Variants in CREB5 observed in about 807,000 individuals in gnomAD.
The protein encoded by CREB5 is cAMP responsive element binding protein 5, also known as cyclic AMP-responsive element-binding protein 5.
In CREB5, 19 loss-of-function variants were observed where a neutral mutation model predicts 57.1. The observed-to-expected ratio is 0.33, with a 90% CI of 0.23 to 0.49. CREB5 has a LOEUF of 0.49. Among genes scored for constraint, CREB5 ranks in the 20% least tolerant of loss-of-function variants. The probability of loss-of-function intolerance (pLI) is 0.99; values close to 1 mark genes in which losing one functional copy is unlikely to be tolerated. For synonymous variants in CREB5, 238 were observed against 238.3 expected (o/e 1.00, Z 0.01); for missense variants, 579 against 671.6 (o/e 0.86, Z 1.52).
chr7:28,478,849 T>C (rs987452721), intron 1 of CREB5, among the ~76,000 whole-genome samples: 2 of 152,196 alleles, frequency 1.3e-5, no homozygotes, highest in Admixed American at 1.3e-4. Flanking sequence ...ATCTCTCTCC[T>C]CTATGGACTG....
chr7:28,560,825 C>CGTGCGTGCGCGCGTGCGT (rs1562797019), intron 4 of CREB5, among the ~76,000 whole-genome samples: 1 of 37,564 alleles, frequency 2.7e-5, no homozygotes, highest in Non-Finnish European at 6.5e-5. Flanking sequence ...TGTGTGTGCG[C>CGTGCGTGCGCGCGTGCGT]GCGCGCGCGT....
intron 8 of CREB5, among the ~76,000 whole-genome samples, chr7:28,806,594 G>A (rs1328376154): frequency 6.6e-6 from 1 of 152,120 alleles, no homozygotes; most frequent in Non-Finnish European, 1.5e-5. Flanking sequence ...TAATTACCAG[G>A]TATACAAATT....
intron 5 of CREB5, among the ~76,000 whole-genome samples, chr7:28,664,855 G>A (rs1191011285): frequency 1.3e-5 from 2 of 152,184 alleles, no homozygotes; most frequent in African/African-American, 4.8e-5. Context: ...TTTAGACGTA[G>A]TGTATTCTCC....
At chr7:28,695,112 AG>A (rs1200839026) in intron 5 of CREB5, among the ~76,000 whole-genome samples, 3 of 152,178 alleles carry the variant, frequency 2.0e-5, no homozygotes, top group African/African-American at 7.2e-5. Flanking sequence ...CTGTGGTCCC[AG>A]CCACTTGGGA....
chr7:28,452,652 C>T (rs1200921902), intron 1 of CREB5, among the ~76,000 whole-genome samples: 1 of 152,104 alleles, frequency 6.6e-6, no homozygotes, highest in Non-Finnish European at 1.5e-5. Flanking sequence ...AATGGTGTTC[C>T]TAGAGCCCCA....
chr7:28,687,133 T>C (rs941479861), intron 5 of CREB5, among the ~76,000 whole-genome samples: 3 of 152,182 alleles, frequency 2.0e-5, no homozygotes, highest in Non-Finnish European at 4.4e-5. Context: ...TCCTCAAAAG[T>C]AGTTATAGCC....
At chr7:28,637,101 C>T (rs1460748373) in intron 5 of CREB5, among the ~76,000 whole-genome samples, 1 of 151,984 alleles carries the variant, frequency 6.6e-6, no homozygotes, top group Non-Finnish European at 1.5e-5. Context: ...CTGCAGTGAG[C>T]CATGATCGTG....
intron 1 of CREB5, among the ~76,000 whole-genome samples, chr7:28,305,859 G>A (rs1785172466): frequency 6.6e-6 from 1 of 151,750 alleles, no homozygotes; most frequent in Non-Finnish European, 1.5e-5. Flanking sequence ...AGTTTGCCCA[G>A]ATGTAACAAC....
chr7:28,331,591 C>T (rs1785717706), intron 1 of CREB5, among the ~76,000 whole-genome samples: 1 of 151,986 alleles, frequency 6.6e-6, no homozygotes. Flanking sequence ...TTTGCACATG[C>T]TTTTAGAAAG....
Position 28,588,819 on chromosome 7 carries a change from C to T in CREB5, c.464+18282C>T, listed in dbSNP as rs116492587. Among the ~76,000 whole-genome samples, 188 of 152,272 alleles carry T rather than the reference C, an allele frequency of 1.2e-3. 1 individual carries two copies. Among genetic ancestry groups the T allele is most frequent in the African/African-American group, 4.4e-3 (182 of 41,554 alleles). On this transcript the variant is annotated intron_variant, in intron 5 of 10. Coordinates refer to ENST00000357727, the MANE Select transcript of CREB5 (RefSeq NM_182898.4). The stretch of plus-strand genomic sequence containing the variant: ...CCTATTTTTGGCTTCTGTTTTCTCT[C>T]GGCATGAGAATTTTTTTGAGATTGT...
At chr7:28,621,354 C>G (rs1256966248) in intron 5 of CREB5, among the ~76,000 whole-genome samples, 1 of 152,050 alleles carries the variant, frequency 6.6e-6, no homozygotes, top group Non-Finnish European at 1.5e-5. Flanking sequence ...TTTACAATAC[C>G]CCTTTTGCCC....
chr7:28,541,225 A>G (rs1794198375), intron 4 of CREB5, among the ~76,000 whole-genome samples: 1 of 152,214 alleles, frequency 6.6e-6, no homozygotes. Context: ...TTAGGGAAAT[A>G]CACACAGGTT....
At chr7:28,459,140 G>C (rs901486053) in intron 1 of CREB5, among the ~76,000 whole-genome samples, 12 of 152,126 alleles carry the variant, frequency 7.9e-5, no homozygotes, top group African/African-American at 2.9e-4. Context: ...GGCTTTATTT[G>C]AGCCTTCCAG....
At chr7:28,373,904 C>CAT (rs10585117) in intron 1 of CREB5, among the ~76,000 whole-genome samples, 28,084 of 146,070 alleles carry the variant, frequency 0.19, 3,038 homozygotes, top group Admixed American at 0.28. Flanking sequence ...TTTCTGCATC[C>CAT]ATATATATAT....
chr7:28,491,602 C>T (rs964041187), intron 2 of CREB5, among the ~76,000 whole-genome samples: 1 of 152,182 alleles, frequency 6.6e-6, no homozygotes, highest in African/African-American at 2.4e-5. Context: ...TGTAAAGATG[C>T]TTCTAAAACT....
At chr7:28,612,543 G>GGTGTGTGTGTGT (rs59074697) in intron 5 of CREB5, among the ~76,000 whole-genome samples, 34 of 137,376 alleles carry the variant, frequency 2.5e-4, no homozygotes, top group East Asian at 1.1e-3. Context: ...TTAGAGAAGG[G>GGTGTGTGTGTGT]GTGTGTGTGT....
intron 1 of CREB5, among the ~76,000 whole-genome samples, chr7:28,455,239 C>T (rs1372866611): frequency 2.0e-5 from 3 of 152,068 alleles, no homozygotes; most frequent in South Asian, 2.1e-4. Context: ...GTGGAAGCCC[C>T]GAGCCGAACT....
chr7:28,674,072 T>C (rs933890201), intron 5 of CREB5, among the ~76,000 whole-genome samples: 5 of 152,126 alleles, frequency 3.3e-5, no homozygotes, highest in Non-Finnish European at 7.4e-5. Context: ...ACAGGGTGCA[T>C]AGGCAGCAGG....
At chr7:28,778,689 G>T (rs1180829398) in intron 7 of CREB5, among the ~76,000 whole-genome samples, 3 of 152,098 alleles carry the variant, frequency 2.0e-5, no homozygotes, top group African/African-American at 7.2e-5. Context: ...AACAAAACAT[G>T]ACTGGGCATA....
Sources: allele counts gnomAD v4.1 joint callset (sites outside exome capture counted in the v4.1 genomes callset), GRCh38; gene constraint gnomAD v4.1.1; transcripts MANE v1.5; gene names NCBI Gene and HGNC (gene_info 2026-07-23, HGNC 2026-07-21).